The following SLIT2 variants were observed in gnomAD, a reference collection of about 807,000 sequenced individuals.
The protein encoded by SLIT2 is slit homolog 2 protein.
A neutral mutation model predicts 185.7 loss-of-function variants in SLIT2; 41 were observed. The ratio of observed to expected loss-of-function variants is 0.22; its 90% CI spans 0.17 to 0.29. The LOEUF (loss-of-function observed/expected upper bound fraction) is 0.29. Among genes scored for constraint, SLIT2 ranks in the 10% least tolerant of loss-of-function variants. SLIT2 has a pLI of 1.00. For missense variants in SLIT2, 1,571 were observed against 1,909.0 expected (o/e 0.82, Z 3.30); for synonymous variants, 693 against 680.2 (o/e 1.02, Z -0.29).
chr4:20,331,683 G>T (rs1396697382), intron 4 of SLIT2, among the ~76,000 whole-genome samples: 1 of 151,794 alleles, frequency 6.6e-6, no homozygotes, highest in African/African-American at 2.4e-5. Context: ...TATGTAACTC[G>T]GTGGTTTTAT....
intron 29 of SLIT2, among the ~76,000 whole-genome samples, chr4:20,584,756 C>T (rs969429298): frequency 1.3e-5 from 2 of 152,120 alleles, no homozygotes; most frequent in Admixed American, 6.5e-5. Flanking sequence ...CAGACAAAAT[C>T]AGGAAGAGGT....
At chr4:20,544,729 G>T (rs1425509359) in intron 21 of SLIT2, among the ~76,000 whole-genome samples, 1 of 152,034 alleles carries the variant, frequency 6.6e-6, no homozygotes, top group Non-Finnish European at 1.5e-5. Context: ...TTAACAAATG[G>T]TATCCATTAT....
intron 4 of SLIT2, among the ~76,000 whole-genome samples, chr4:20,283,111 T>C (rs868153589): frequency 8.4e-5 from 12 of 143,640 alleles, no homozygotes; most frequent in Admixed American, 1.4e-4. Context: ...TGTGCCTGTG[T>C]GCGCGCGCGC....
intron 4 of SLIT2, among the ~76,000 whole-genome samples, chr4:20,379,985 A>G (rs1724359782): frequency 6.6e-6 from 1 of 152,080 alleles, no homozygotes; most frequent in Admixed American, 6.6e-5. Flanking sequence ...AACACTGCAG[A>G]GGGGTTCAGT....
At chr4:20,419,950 A>G (rs1045740099) in intron 4 of SLIT2, among the ~76,000 whole-genome samples, 2 of 152,078 alleles carry the variant, frequency 1.3e-5, no homozygotes, top group Admixed American at 6.6e-5. Context: ...AAGTAAGTCA[A>G]TGTGGAACAT....
chr4:20,329,774 T>A (rs1407097437), intron 4 of SLIT2, among the ~76,000 whole-genome samples: 1 of 152,022 alleles, frequency 6.6e-6, no homozygotes, highest in Non-Finnish European at 1.5e-5. Flanking sequence ...CTGAAAATAA[T>A]CAGACAGGTT....
rs537587494 is a variant in SLIT2 at position 20,360,623 on chromosome 4, A to G, written c.395+91742A>G. On this transcript the variant is annotated intron_variant, in intron 4 of 36. Coordinates refer to ENST00000504154, the MANE Select transcript of SLIT2 (RefSeq NM_004787.4). ...AATTATGTAAATTAAATAAAATGGT[A>G]TACGTTAAAATTGTGAAAATTGTGT... is the stretch of plus-strand genomic sequence containing the variant. Among the ~76,000 whole-genome samples, 98 of 96,542 alleles carry G rather than the reference A, an allele frequency of 1.0e-3. No homozygotes were observed. In the South Asian group the frequency reaches 0.017, roughly 17 times the overall value. 63.3% of individuals were successfully genotyped at this position (96,542 alleles called of 152,430 possible). A position where few individuals can be genotyped will look rare whatever the true frequency, so the allele number is the denominator to read the frequency against.
At chr4:20,400,034 G>A (rs753671555) in intron 4 of SLIT2, among the ~76,000 whole-genome samples, 3 of 151,764 alleles carry the variant, frequency 2.0e-5, no homozygotes, top group Non-Finnish European at 2.9e-5. Flanking sequence ...CAGAGTTCCT[G>A]TTAAGGATAG....
intron 4 of SLIT2, among the ~76,000 whole-genome samples, chr4:20,377,062 T>C (rs1048541081): frequency 6.6e-6 from 1 of 152,016 alleles, no homozygotes; most frequent in African/African-American, 2.4e-5. Context: ...AGAGAAAGTA[T>C]TCAATACTGT....
chr4:20,528,716 G>A lies in SLIT2; in HGVS notation c.1463-233G>A, dbSNP rs1383642305. Among the ~76,000 whole-genome samples the A allele has an allele frequency of 1.3e-5, 2 of 152,114 alleles. No homozygotes were observed. Among genetic ancestry groups the A allele is most frequent in the East Asian group, 3.9e-4 (2 of 5,184 alleles). On this transcript the variant is annotated intron_variant, in intron 15 of 36. Coordinates refer to ENST00000504154, the MANE Select transcript of SLIT2 (RefSeq NM_004787.4). This position sits in a 1 kb window ranked among gnomAD's most constrained non-coding sequence, Gnocchi z 4.2. ...AATTGGATCAGCAGAAAGTACAGCTGTGAAAAGCTCAACTTTATTAATGTT... is the reference window on the plus strand; with the variant it reads ...AATTGGATCAGCAGAAAGTACAGCTATGAAAAGCTCAACTTTATTAATGTT...
At chr4:20,423,525 T>C (rs1444117757) in intron 4 of SLIT2, among the ~76,000 whole-genome samples, 1 of 152,092 alleles carries the variant, frequency 6.6e-6, no homozygotes. Context: ...AGGATTTAAA[T>C]TATATTTCAA....
intron 4 of SLIT2, among the ~76,000 whole-genome samples, chr4:20,351,633 A>G (rs1450734881): frequency 6.6e-6 from 1 of 152,134 alleles, no homozygotes; most frequent in African/African-American, 2.4e-5. Context: ...TCCCGGGCAC[A>G]AGATCAGTGA....
At chr4:20,537,301 T>A (rs764776931) in intron 18 of SLIT2, among the ~76,000 whole-genome samples, 3 of 152,174 alleles carry the variant, frequency 2.0e-5, no homozygotes, top group Non-Finnish European at 2.9e-5. Flanking sequence ...GGCATTATGA[T>A]GGCCATGACA....
intron 9 of SLIT2, among the ~76,000 whole-genome samples, chr4:20,505,910 A>C (rs1719166319): frequency 6.6e-6 from 1 of 152,104 alleles, no homozygotes; most frequent in Non-Finnish European, 1.5e-5. Context: ...AGAGAAAAAA[A>C]TTGTAGAAGT....
At chr4:20,449,869 C>G (rs771229845) in intron 4 of SLIT2, among the ~76,000 whole-genome samples, 1 of 152,040 alleles carries the variant, frequency 6.6e-6, no homozygotes, top group Non-Finnish European at 1.5e-5. Context: ...AAAAGTAATA[C>G]TGTTGAAACT....
At chr4:20,503,759 T>C (rs1449316581) in intron 9 of SLIT2, among the ~76,000 whole-genome samples, 1 of 152,126 alleles carries the variant, frequency 6.6e-6, no homozygotes, top group African/African-American at 2.4e-5. Context: ...AAAACACCAA[T>C]TGAATTTACA....
chr4:20,438,317 G>A (rs962552353), intron 4 of SLIT2, among the ~76,000 whole-genome samples: 1 of 152,168 alleles, frequency 6.6e-6, no homozygotes, highest in Non-Finnish European at 1.5e-5. Flanking sequence ...TGGACTTACA[G>A]TTCCACATGG....
At chr4:20,278,693 A>G (rs1282325743) in intron 4 of SLIT2, among the ~76,000 whole-genome samples, 1 of 152,248 alleles carries the variant, frequency 6.6e-6, no homozygotes, top group Non-Finnish European at 1.5e-5. Flanking sequence ...AGTGAAAGAC[A>G]AGAGAAAGAG....
intron 15 of SLIT2, 143 bp downstream of exon 15, chr4:20,525,315 G>A: frequency 1.7e-6 from 1 of 586,710 alleles, no homozygotes; most frequent in Non-Finnish European, 3.1e-6. Flanking sequence ...ATCACTTGTA[G>A]CTGTTTCCTG....
Sources: allele counts gnomAD v4.1 joint callset (sites outside exome capture counted in the v4.1 genomes callset), GRCh38; gene constraint gnomAD v4.1.1; non-coding constraint Gnocchi (gnomAD v3.1); transcripts MANE v1.5; gene names NCBI Gene and HGNC (gene_info 2026-07-23, HGNC 2026-07-21).